The following LARGE1 variants were observed in gnomAD, a reference collection of about 807,000 sequenced individuals.
LARGE1 encodes xylosyl- and glucuronyltransferase LARGE1.
A neutral mutation model predicts 87.6 loss-of-function variants in LARGE1; 43 were observed. The observed-to-expected ratio is 0.49, with a 90% CI of 0.38 to 0.63. LARGE1 has a LOEUF of 0.63. Among genes scored for constraint, LARGE1 ranks in the 30% least tolerant of loss-of-function variants. The pLI is 0.00. For missense variants in LARGE1, 802 were observed against 1,000.2 expected (o/e 0.80, Z 2.67); for synonymous variants, 434 against 394.6 (o/e 1.10, Z -1.18).
At chr22:33,846,693 G>C (rs2063441293) in intron 1 of LARGE1, among the ~76,000 whole-genome samples, 1 of 152,148 alleles carries the variant, frequency 6.6e-6, no homozygotes, top group Non-Finnish European at 1.5e-5. Context: ...TGGGGGTATA[G>C]GTCTATAAAC....
At chr22:33,622,847 C>T (rs192748128) in intron 4 of LARGE1, among the ~76,000 whole-genome samples, 27 of 152,336 alleles carry the variant, frequency 1.8e-4, no homozygotes, top group African/African-American at 5.1e-4. Context: ...CTCAAGTCCT[C>T]ACGCCGTCTT....
intron 3 of LARGE1, among the ~76,000 whole-genome samples, chr22:33,632,038 A>T (rs1252367953): frequency 6.6e-6 from 1 of 152,200 alleles, no homozygotes; most frequent in South Asian, 2.1e-4. Flanking sequence ...CAAAGTCCAG[A>T]TGGAGGATGG....
chr22:33,683,993 T>G (rs2081866418), intron 2 of LARGE1, among the ~76,000 whole-genome samples: 1 of 152,194 alleles, frequency 6.6e-6, no homozygotes, highest in Non-Finnish European at 1.5e-5. Flanking sequence ...CAGCCCTCGC[T>G]GGAAGACTGT....
At chr22:33,910,718 G>A (rs1325909338) in intron 1 of LARGE1, among the ~76,000 whole-genome samples, 2 of 152,188 alleles carry the variant, frequency 1.3e-5, no homozygotes, top group African/African-American at 4.8e-5. Flanking sequence ...AGAGCCTACA[G>A]TCAGGAACGA....
At chr22:33,709,977 C>CAGA (rs2082681784) in intron 2 of LARGE1, among the ~76,000 whole-genome samples, 1 of 92,162 alleles carries the variant, frequency 1.1e-5, no homozygotes, top group Non-Finnish European at 2.0e-5. Context: ...CTTTGCTAGG[C>CAGA]AGAAAAAAAA....
chr22:33,600,453 T>G (rs2079083669), intron 5 of LARGE1, among the ~76,000 whole-genome samples: 1 of 152,004 alleles, frequency 6.6e-6, no homozygotes, highest in Non-Finnish European at 1.5e-5. Flanking sequence ...CTGTGTTGAG[T>G]TTACTGAAGA....
At chr22:33,734,074 A>T (rs2083565852) in intron 2 of LARGE1, among the ~76,000 whole-genome samples, 2 of 152,182 alleles carry the variant, frequency 1.3e-5, no homozygotes, top group African/African-American at 2.4e-5. Context: ...AGGAGTCCTC[A>T]GCTTCTAAAT....
chr22:33,188,171 A>C (rs1173955870), intron 11 of LARGE1, among the ~76,000 whole-genome samples: 1 of 152,042 alleles, frequency 6.6e-6, no homozygotes, highest in African/African-American at 2.4e-5. Flanking sequence ...TAAATAATAA[A>C]TAAATAAATA....
intron 6 of LARGE1, among the ~76,000 whole-genome samples, chr22:33,532,264 C>T (rs907350444): frequency 5.9e-5 from 9 of 152,318 alleles, no homozygotes; most frequent in African/African-American, 1.7e-4. Flanking sequence ...CCACCTAAAA[C>T]ACCTGTTCTA....
chr22:33,314,475 G>A (rs1013738917), intron 11 of LARGE1, among the ~76,000 whole-genome samples: 5 of 152,114 alleles, frequency 3.3e-5, no homozygotes, highest in Admixed American at 2.0e-4. Context: ...TTATGAAAAC[G>A]TTTTTGCATC....
intron 2 of LARGE1, among the ~76,000 whole-genome samples, chr22:33,736,734 T>C (rs2083668965): frequency 6.6e-6 from 1 of 152,234 alleles, no homozygotes; most frequent in African/African-American, 2.4e-5. Flanking sequence ...GATTTACTCT[T>C]ATGTTTCCTT....
At chr22:33,902,555 T>G (rs982000241) in intron 1 of LARGE1, among the ~76,000 whole-genome samples, 6 of 152,194 alleles carry the variant, frequency 3.9e-5, no homozygotes, top group Non-Finnish European at 5.9e-5. Flanking sequence ...CTGTACGTTT[T>G]GTCTTCTCTC....
chr22:33,431,630 T>C (rs1461520076), intron 7 of LARGE1, among the ~76,000 whole-genome samples: 2 of 152,156 alleles, frequency 1.3e-5, no homozygotes, highest in African/African-American at 2.4e-5. Flanking sequence ...GTCAATGAAA[T>C]ATGAAATTAC....
chr22:33,909,744 T>C (rs903881059), intron 1 of LARGE1, among the ~76,000 whole-genome samples: 1 of 151,866 alleles, frequency 6.6e-6, no homozygotes, highest in Non-Finnish European at 1.5e-5. Context: ...TTCACCGCGT[T>C]AGTCAAGATG....
At chr22:33,604,979 A>G (rs1394293446) in intron 4 of LARGE1, among the ~76,000 whole-genome samples, 4 of 151,824 alleles carry the variant, frequency 2.6e-5, no homozygotes, top group Admixed American at 2.6e-4. Context: ...GGCTGGCAAG[A>G]GACTTCTCCA....
At position 33,902,136 on chromosome 22, in the gene LARGE1, T is replaced by C. The variant is rs533867766; in HGVS notation, c.-83+17859A>G. 4.6e-5 allele frequency among the ~76,000 whole-genome samples: 7 copies of C among 152,268 alleles called. No individual in the cohort carries two copies. The South Asian group carries it at 1.0e-3, about 23-fold the overall frequency. ...AACAGAAATCATTCCAACACAACAG[T>C]GGCACTTTTACGACGTGGGCCAAAT... On this transcript the variant is annotated intron_variant, in intron 1 of 14. Coordinates refer to ENST00000397394, the MANE Select transcript of LARGE1 (RefSeq NM_133642.5).
At chr22:33,385,482 C>T (rs1032638579) in intron 7 of LARGE1, among the ~76,000 whole-genome samples, 1 of 117,870 alleles carries the variant, frequency 8.5e-6, no homozygotes, top group Non-Finnish European at 1.7e-5. Context: ...GAGCTGAGAT[C>T]GTGCCACGGC....
At chr22:33,722,083 C>T (rs1456565597) in intron 2 of LARGE1, among the ~76,000 whole-genome samples, 2 of 152,086 alleles carry the variant, frequency 1.3e-5, no homozygotes, top group East Asian at 1.9e-4. Context: ...GAAACCCCGT[C>T]TCTACTAAAA....
intron 6 of LARGE1, among the ~76,000 whole-genome samples, chr22:33,545,497 A>G (rs1013503321): frequency 4.0e-5 from 6 of 151,794 alleles, no homozygotes; most frequent in African/African-American, 1.5e-4. Flanking sequence ...GCTGGAGTGC[A>G]GTGGCACGAT....
Sources: gnomAD v4.1 joint callset for allele counts (sites outside exome capture counted in the v4.1 genomes callset) on GRCh38, gnomAD v4.1.1 for gene constraint, MANE v1.5 for transcripts, NCBI Gene and HGNC (gene_info 2026-07-23, HGNC 2026-07-21) for gene names.